Variants in ABI2 observed in about 807,000 individuals in gnomAD.
The protein encoded by ABI2 is abelson interactor 2.
Under a neutral mutation model 59.2 loss-of-function variants are expected in ABI2, and 25 were observed. The ratio of observed to expected loss-of-function variants is 0.42; its 90% CI spans 0.31 to 0.59. The LOEUF is 0.59. ABI2 is among the 20% of genes least tolerant of loss of function. The pLI is 0.14. For missense variants in ABI2, 545 were observed against 681.8 expected (o/e 0.80, Z 2.23); for synonymous variants, 213 against 235.5 (o/e 0.90, Z 0.87).
intron 4 of ABI2, among the ~76,000 whole-genome samples, chr2:203,386,939 C>T (rs370282443): frequency 6.6e-6 from 1 of 152,232 alleles, no homozygotes; most frequent in East Asian, 1.9e-4. Flanking sequence ...CATGCCCAGC[C>T]AGACATTGCT....
At chr2:203,378,454 C>G (rs1199098073) in intron 2 of ABI2, among the ~76,000 whole-genome samples, 1 of 152,064 alleles carries the variant, frequency 6.6e-6, no homozygotes, top group African/African-American at 2.4e-5. Flanking sequence ...AAGATTACTA[C>G]CATGGTTAGT....
At chr2:203,404,804 T>A (rs762232494) in intron 9 of ABI2, among the ~76,000 whole-genome samples, 1 of 152,040 alleles carries the variant, frequency 6.6e-6, no homozygotes, top group Non-Finnish European at 1.5e-5. Flanking sequence ...AGTCATCCAC[T>A]TGCCTTGGCC....
intron 10 of ABI2, among the ~76,000 whole-genome samples, chr2:203,413,468 A>G (rs1300661092): frequency 6.6e-6 from 1 of 152,192 alleles, no homozygotes. Context: ...GCAAAACATT[A>G]TTATAGCAGC....
chr2:203,341,843 A>G (rs1045027872), intron 1 of ABI2, among the ~76,000 whole-genome samples: 5 of 152,214 alleles, frequency 3.3e-5, no homozygotes, highest in African/African-American at 1.2e-4. Flanking sequence ...AATTGACACT[A>G]ATATTCCACA....
chr2:203,425,353 C>T (rs1157176693), intron 11 of ABI2, among the ~76,000 whole-genome samples: 2 of 152,108 alleles, frequency 1.3e-5, no homozygotes, highest in African/African-American at 2.4e-5. Flanking sequence ...CAGGCGCCCA[C>T]CACCACGCTT....
At chr2:203,355,334 TTC>T (rs2091323592) in intron 1 of ABI2, 1 of 188,508 alleles carries the variant, frequency 5.3e-6, no homozygotes, top group African/African-American at 2.3e-5. Context: ...GGTGAGTTGT[TTC>T]TACTAAAAAT....
chr2:203,369,830 A>G (rs1453470008), intron 2 of ABI2, among the ~76,000 whole-genome samples: 2 of 152,208 alleles, frequency 1.3e-5, no homozygotes, highest in Non-Finnish European at 2.9e-5. Context: ...AGTCTGAGAA[A>G]TAGGCTGATA....
In ABI2 at chr2:203,388,702, T is replaced by A. The variant is rs1055354190; in HGVS notation, c.481-2344T>A. Among the ~76,000 whole-genome samples, 15 of 151,986 alleles carry A rather than the reference T, an allele frequency of 9.9e-5. No homozygotes were observed. In the East Asian group the frequency reaches 2.3e-3, roughly 23 times the overall value. ...TCTTAAAAAATAATAATAATAATAATAAATGTCCACCAGATTTTAATATAT... is the reference window on the plus strand; with the variant it reads ...TCTTAAAAAATAATAATAATAATAAAAAATGTCCACCAGATTTTAATATAT... On this transcript the variant is annotated intron_variant, in intron 4 of 11. Transcript: ENST00000261018.
chr2:203,406,712 G>A (rs2097440770), intron 9 of ABI2, among the ~76,000 whole-genome samples: 1 of 152,130 alleles, frequency 6.6e-6, no homozygotes, highest in Non-Finnish European at 1.5e-5. Flanking sequence ...TGTCCAGGCT[G>A]GAGTGCAGTG....
rs1324924096 is a variant in ABI2, at chr2:203,394,814, A to G, written c.693A>G (p.Thr231=). The G allele has an allele frequency of 1.9e-6, 3 of 1,614,180 alleles. No individual in the cohort carries two copies. The South Asian group carries it at 3.3e-5, about 18-fold the overall frequency. ...CCTCGCAGCAGAGCCCTGTGAGGAC[A>G]GCTTCTGTGAATCAAAGAAATCGAA... is the stretch of plus-strand genomic sequence containing the variant. ...MAPSQQSPVR[T]ASVNQRNRTY... The change falls in exon 6 of 12, where the codon ACA becomes ACG. Residue 231 remains threonine (T), a synonymous_variant. Transcript: ENST00000261018.
At chr2:203,357,136 T>A (rs564994628) in intron 1 of ABI2, among the ~76,000 whole-genome samples, 1 of 152,366 alleles carries the variant, frequency 6.6e-6, no homozygotes, top group South Asian at 2.1e-4. Context: ...ATTTGTGATT[T>A]GTTACTTTTT....
chr2:203,345,034 G>A (rs1390177310), intron 1 of ABI2, among the ~76,000 whole-genome samples: 5 of 152,150 alleles, frequency 3.3e-5, no homozygotes, highest in Non-Finnish European at 7.3e-5. Context: ...GCTGGCTGCC[G>A]GAGCCCGCAG....
rs56123341 is a variant in ABI2 at position 203,403,742 on chromosome 2, G to GTTTTT, written c.1192+1026_1192+1030dup. Reference sequence around the variant, plus strand: ...TCTAAGTTCCATGTTCTTTCTTTCTGTTTTTTTTTTTTTTTTTTTTTTAAA... The same window carrying GTTTTT: ...TCTAAGTTCCATGTTCTTTCTTTCTGTTTTTTTTTTTTTTTTTTTTTTTTTTTAAA... On this transcript the variant is annotated intron_variant, in intron 9 of 11. Transcript: ENST00000261018. Among the ~76,000 whole-genome samples, 83 of 95,292 alleles carry GTTTTT rather than the reference G, an allele frequency of 8.7e-4. 1 individual carries two copies. Among genetic ancestry groups the GTTTTT allele is most frequent in the African/African-American group, 3.0e-3 (72 of 24,396 alleles). The allele number at this position is 95,292 out of a possible 152,430, so 62.5% of individuals were successfully genotyped here. A position where few individuals can be genotyped will look rare whatever the true frequency, so the allele number is the denominator to read the frequency against.
intron 1 of ABI2, among the ~76,000 whole-genome samples, chr2:203,331,870 C>T (rs1474212083): frequency 6.8e-6 from 1 of 148,110 alleles, no homozygotes; most frequent in East Asian, 2.0e-4. Context: ...AGTGCAGTGG[C>T]GCGATCTCAG....
chr2:203,413,910 G>A (rs926635472), intron 10 of ABI2, among the ~76,000 whole-genome samples: 1 of 151,876 alleles, frequency 6.6e-6, no homozygotes, highest in African/African-American at 2.4e-5. Context: ...GTTATACTGG[G>A]GTAAGAAGTA....
At chr2:203,343,363 A>G (rs2081198514) in intron 1 of ABI2, among the ~76,000 whole-genome samples, 1 of 152,242 alleles carries the variant, frequency 6.6e-6, no homozygotes, top group Non-Finnish European at 1.5e-5. Context: ...CTATGTCTCA[A>G]AAAACATAAA....
At chr2:203,398,510 T>C (rs376753621) in intron 8 of ABI2, among the ~76,000 whole-genome samples, 14 of 152,236 alleles carry the variant, frequency 9.2e-5, no homozygotes, top group East Asian at 3.8e-4. Context: ...ATAGTCTGTT[T>C]TATACAGTAC....
chr2:203,378,847 A>G (rs2095895629), intron 2 of ABI2, among the ~76,000 whole-genome samples: 1 of 152,182 alleles, frequency 6.6e-6, no homozygotes, highest in Non-Finnish European at 1.5e-5. Flanking sequence ...TGCGACACAC[A>G]GGAAAAAATT....
At chr2:203,332,881 T>C (rs772802114) in intron 1 of ABI2, among the ~76,000 whole-genome samples, 1 of 152,220 alleles carries the variant, frequency 6.6e-6, no homozygotes, top group African/African-American at 2.4e-5. Flanking sequence ...ACAGTTCACA[T>C]AGATGCATAG....
Sources: gnomAD v4.1 joint callset for allele counts (sites outside exome capture counted in the v4.1 genomes callset) on GRCh38, gnomAD v4.1.1 for gene constraint, MANE v1.5 for transcripts, NCBI Gene and HGNC (gene_info 2026-07-23, HGNC 2026-07-21) for gene names.